MICOS10: variants seen among roughly 807,000 people sequenced by gnomAD.
The protein encoded by MICOS10 is MICOS complex subunit MIC10.
MICOS10 carries 5 observed loss-of-function variants against 13.4 expected under a neutral mutation model. The ratio of observed to expected loss-of-function variants is 0.37; its 90% CI spans 0.20 to 0.78. The LOEUF is 0.78. Ranked by LOEUF, MICOS10 falls within the 30% of genes least tolerant of loss-of-function variation. The pLI, the probability that MICOS10 is intolerant of heterozygous loss-of-function variation, is 0.47. For synonymous variants in MICOS10, 35 were observed against 33.6 expected (o/e 1.04, Z -0.15); for missense variants, 101 against 94.6 (o/e 1.07, Z -0.28).
chr1:19,597,570 G>C (rs113650459), intron 1 of MICOS10, among the ~76,000 whole-genome samples: 17 of 152,338 alleles, frequency 1.1e-4, no homozygotes, highest in African/African-American at 3.8e-4. Flanking sequence ...GCCAGGCCCT[G>C]ATGCGAGTTG....
intron 1 of MICOS10, among the ~76,000 whole-genome samples, chr1:19,612,327 G>C (rs2094866504): frequency 6.6e-6 from 1 of 151,630 alleles, no homozygotes; most frequent in African/African-American, 2.4e-5. Context: ...AAGTGCTGTA[G>C]GTGTGAGCCA....
chr1:19,605,274 A>G (rs1168047078), intron 1 of MICOS10, among the ~76,000 whole-genome samples: 1 of 152,162 alleles, frequency 6.6e-6, no homozygotes, highest in Non-Finnish European at 1.5e-5. Context: ...GTTGAGATAT[A>G]TTTCATGGCA....
chr1:19,609,722 C>T (rs1418281082), intron 1 of MICOS10, among the ~76,000 whole-genome samples: 1 of 152,124 alleles, frequency 6.6e-6, no homozygotes, highest in African/African-American at 2.4e-5. Flanking sequence ...GTGATAGAAG[C>T]TGTACACAAA....
chr1:19,616,527 C>G (rs1570495990), intron 1 of MICOS10, among the ~76,000 whole-genome samples: 1 of 152,166 alleles, frequency 6.6e-6, no homozygotes, highest in Non-Finnish European at 1.5e-5. Context: ...CTCATTGATT[C>G]TAAGTAATTC....
intron 1 of MICOS10, among the ~76,000 whole-genome samples, chr1:19,600,375 G>T (rs569048033): frequency 1.3e-5 from 2 of 152,284 alleles, no homozygotes; most frequent in Admixed American, 6.5e-5. Context: ...AACCATGAAG[G>T]TGTACGCTCT....
intron 1 of MICOS10, 29 bp downstream of exon 1, chr1:19,597,138 G>A: frequency 6.3e-7 from 1 of 1,596,132 alleles, no homozygotes; most frequent in Non-Finnish European, 8.5e-7. Flanking sequence ...CAGCAGGCCC[G>A]GCCGGTGCAG....
chr1:19,609,054 G>C (rs2094847914), intron 1 of MICOS10, among the ~76,000 whole-genome samples: 1 of 131,478 alleles, frequency 7.6e-6, no homozygotes, highest in Non-Finnish European at 1.5e-5. Flanking sequence ...CGCTCTGGCT[G>C]GAGTGCAGTG....
At chr1:19,607,075 A>T (rs1453942177) in intron 1 of MICOS10, among the ~76,000 whole-genome samples, 1 of 152,240 alleles carries the variant, frequency 6.6e-6, no homozygotes, top group Non-Finnish European at 1.5e-5. Flanking sequence ...AGTGATATCA[A>T]TTAGGTTATA....
At chr1:19,614,150 A>C (rs1018370304) in intron 1 of MICOS10, among the ~76,000 whole-genome samples, 1 of 151,994 alleles carries the variant, frequency 6.6e-6, no homozygotes, top group South Asian at 2.1e-4. Flanking sequence ...ATGTCAGCTC[A>C]CTGCAACCTC....
chr1:19,622,218 G>A, intron 2 of MICOS10, 71 bp downstream of exon 2: 1 of 1,280,314 alleles, frequency 7.8e-7, no homozygotes, highest in Non-Finnish European at 1.1e-6. Flanking sequence ...CACTTCCAGA[G>A]GACACATTGG....
At position 19,601,009 on chromosome 1, in the gene MICOS10, T is replaced by A. The variant is rs150186040; in HGVS notation, c.64+3900T>A. On this transcript the variant is annotated intron_variant, in intron 1 of 3. Transcript: ENST00000322753. ...CTGTTTGGTTGTCTTATACCTAAAG[T>A]GTTTTGCTTCCAGGGTTCACCAGGG... 43 of 1,289,332 alleles carry A rather than the reference T, an allele frequency of 3.3e-5. No individual in the cohort carries two copies. The East Asian group carries it at 2.3e-3, about 70-fold the overall frequency. 79.9% of individuals were successfully genotyped at this position (1,289,332 alleles called of 1,614,324 possible). A position where few individuals can be genotyped will look rare whatever the true frequency, so the allele number is the denominator to read the frequency against.
chr1:19,610,952 C>CT (rs563556500), intron 1 of MICOS10, among the ~76,000 whole-genome samples: 16,107 of 146,910 alleles, frequency 0.11, 2,858 homozygotes, highest in African/African-American at 0.37. Context: ...ATTTATTTCT[C>CT]TTTTTTTTTT....
intron 1 of MICOS10, among the ~76,000 whole-genome samples, chr1:19,606,933 A>C (rs2094837341): frequency 6.6e-6 from 1 of 152,262 alleles, no homozygotes; most frequent in Non-Finnish European, 1.5e-5. Context: ...ATGGAAAAAG[A>C]AAGCAAATTA....
intron 1 of MICOS10, among the ~76,000 whole-genome samples, chr1:19,611,191 A>AT (rs2094859620): frequency 6.6e-6 from 1 of 152,080 alleles, no homozygotes; most frequent in African/African-American, 2.4e-5. Flanking sequence ...ACCTCAAGTG[A>AT]TCCCCCAACT....
intron 1 of MICOS10, among the ~76,000 whole-genome samples, chr1:19,598,449 C>T (rs2094801200): frequency 6.6e-6 from 1 of 152,084 alleles, no homozygotes; most frequent in South Asian, 2.1e-4. Flanking sequence ...TATGAAATGA[C>T]CAAAGTAGTT....
rs1309081799 is a variant in MICOS10, at chr1:19,599,353, A to G, written c.64+2244A>G. ...ATTACAAGCTTGAGCCACTGCACCC[A>G]GCCAATAGTTGTTGATATTAATATT... On this transcript the variant is annotated intron_variant, in intron 1 of 3. Transcript: ENST00000322753. 2.0e-5 allele frequency among the ~76,000 whole-genome samples: 3 copies of G among 152,184 alleles called. No homozygotes were observed. In the East Asian group the frequency reaches 5.8e-4, roughly 29 times the overall value.
Position 19,626,582 on chromosome 1 carries a change from T to C in MICOS10, c.*181T>C, listed in dbSNP as rs1380521246. The C allele has an allele frequency of 5.9e-6, 4 of 672,824 alleles. No homozygotes were observed. The highest frequency in any genetic ancestry group is 7.6e-6 in the Non-Finnish European group (3 of 395,494). 41.7% of individuals were successfully genotyped at this position (672,824 alleles called of 1,614,324 possible). On this transcript the variant is annotated 3_prime_UTR_variant, in exon 4 of 4. Transcript: ENST00000322753. ...TGTTTCTTGTTTTGTATTTTCTCTC[T>C]GGAAGTTGTAAGGAGGTGGTCTTAA...
At chr1:19,626,174 G>T (rs910993134) in intron 3 of MICOS10, among the ~76,000 whole-genome samples, 1 of 152,120 alleles carries the variant, frequency 6.6e-6, no homozygotes, top group African/African-American at 2.4e-5. Context: ...TGTTCCACTC[G>T]TTTCCCACTC....
chr1:19,608,337 T>A, intron 1 of MICOS10: 1 of 1,295,790 alleles, frequency 7.7e-7, no homozygotes, highest in Non-Finnish European at 1.1e-6. Context: ...TATGCTGCTA[T>A]GTTGACCACC....
Sources: allele counts gnomAD v4.1 joint callset (sites outside exome capture counted in the v4.1 genomes callset), GRCh38; gene constraint gnomAD v4.1.1; transcripts MANE v1.5; gene names NCBI Gene and HGNC (gene_info 2026-07-23, HGNC 2026-07-21).